The following COP1 variants were observed in gnomAD, a reference collection of about 807,000 sequenced individuals.
COP1 encodes E3 ubiquitin-protein ligase COP1.
COP1 carries 24 observed loss-of-function variants against 101.3 expected under a neutral mutation model. That is an observed-to-expected ratio of 0.24 (90% confidence interval 0.17 to 0.33). COP1 has a LOEUF of 0.33. Among genes scored for constraint, COP1 ranks in the 10% least tolerant of loss-of-function variants. The pLI, the probability that COP1 is intolerant of heterozygous loss-of-function variation, is 1.00. For missense variants in COP1, 663 were observed against 906.2 expected (o/e 0.73, Z 3.45); for synonymous variants, 347 against 341.9 (o/e 1.01, Z -0.17).
intron 15 of COP1, among the ~76,000 whole-genome samples, chr1:175,991,279 C>A (rs891387494): frequency 2.6e-5 from 4 of 152,050 alleles, no homozygotes; most frequent in African/African-American, 9.7e-5. Flanking sequence ...ATGCTACAAA[C>A]CTATGTATCA....
intron 8 of COP1, among the ~76,000 whole-genome samples, chr1:176,125,406 T>A (rs1013469174): frequency 1.3e-5 from 2 of 152,184 alleles, no homozygotes; most frequent in Non-Finnish European, 2.9e-5. Context: ...TTTGATGTGA[T>A]CTTTGCAGCA....
intron 18 of COP1, among the ~76,000 whole-genome samples, chr1:175,984,887 A>C (rs2148709233): frequency 6.6e-6 from 1 of 152,324 alleles, no homozygotes; most frequent in Admixed American, 6.5e-5. Context: ...CCCATTTTGA[A>C]TAGCTCTATT....
chr1:176,154,205 A>G (rs1244422687), intron 5 of COP1, among the ~76,000 whole-genome samples: 2 of 152,026 alleles, frequency 1.3e-5, no homozygotes, highest in African/African-American at 4.8e-5. Context: ...GCTACTTATT[A>G]CTGATTTAAT....
rs146985122 is a variant in COP1, at chr1:175,960,760, G to T, written c.2134-13521C>A. Among the ~76,000 whole-genome samples the T allele has an allele frequency of 2.6e-3, 398 of 152,242 alleles. 3 individuals are homozygous for T. Among genetic ancestry groups the T allele is most frequent in the African/African-American group, 9.1e-3 (380 of 41,552 alleles). On this transcript the variant is annotated intron_variant, in intron 18 of 19. Transcript: ENST00000367669. ...AGAAACTGGCTTTGACAGAGGCTTCGCCAGAAAGCTACTCCTGATGTCCAA... is the reference window on the plus strand; with the variant it reads ...AGAAACTGGCTTTGACAGAGGCTTCTCCAGAAAGCTACTCCTGATGTCCAA...
At chr1:176,164,071 G>GCTGCTA (rs1694737598) in intron 3 of COP1, among the ~76,000 whole-genome samples, 180 bp from the exon 4 acceptor site, 1 of 152,268 alleles carries the variant, frequency 6.6e-6, no homozygotes. Context: ...TTTTGCTGCA[G>GCTGCTA]CTGCTACTAC....
chr1:176,187,737 C>T (rs960681443), intron 1 of COP1, among the ~76,000 whole-genome samples: 1 of 152,112 alleles, frequency 6.6e-6, no homozygotes, highest in African/African-American at 2.4e-5. Context: ...AACAAGATAT[C>T]TATGAGGCGC....
intron 3 of COP1, among the ~76,000 whole-genome samples, chr1:176,169,655 T>C (rs554833257): frequency 1.3e-5 from 2 of 152,366 alleles, no homozygotes; most frequent in African/African-American, 2.4e-5. Context: ...ATCTGAGCCT[T>C]TGGCAAGTCA....
intron 1 of COP1, among the ~76,000 whole-genome samples, chr1:176,198,935 C>T: frequency 6.6e-6 from 1 of 152,032 alleles, no homozygotes; most frequent in East Asian, 1.9e-4. Flanking sequence ...TGAGCACTGG[C>T]AAGGATGTGA....
rs188852414 is a variant in COP1 at position 176,119,463 on chromosome 1, G to C, written c.969-2782C>G. Among the ~76,000 whole-genome samples the C allele has an allele frequency of 9.9e-5, 15 of 152,208 alleles. No individual in the cohort carries two copies. The East Asian group carries it at 2.9e-3, about 29-fold the overall frequency. ...TATGTTAAAAAATACTCATCAGTTTGTTGAAGATAAAACTAAGAATTAAAA... is the reference window on the plus strand; with the variant it reads ...TATGTTAAAAAATACTCATCAGTTTCTTGAAGATAAAACTAAGAATTAAAA... On this transcript the variant is annotated intron_variant, in intron 8 of 19. Coordinates refer to ENST00000367669, the MANE Select transcript of COP1 (RefSeq NM_022457.7).
intron 3 of COP1, among the ~76,000 whole-genome samples, chr1:176,167,380 G>C (rs1695303716): frequency 6.6e-6 from 1 of 152,008 alleles, no homozygotes; most frequent in African/African-American, 2.4e-5. Flanking sequence ...CGTGGTCCCT[G>C]ACGCATAGTA....
intron 18 of COP1, among the ~76,000 whole-genome samples, chr1:175,972,558 G>A (rs894618664): frequency 2.0e-5 from 3 of 147,940 alleles, no homozygotes; most frequent in South Asian, 2.1e-4. Context: ...GCCACCTCCC[G>A]GGTTCAAGCG....
At chr1:175,951,703 A>T (rs1479143413) in intron 18 of COP1, among the ~76,000 whole-genome samples, 1 of 152,020 alleles carries the variant, frequency 6.6e-6, no homozygotes, top group Non-Finnish European at 1.5e-5. Context: ...AGATGAGACA[A>T]GTGAGGAATA....
At chr1:176,039,310 C>G (rs1557978733) in intron 14 of COP1, among the ~76,000 whole-genome samples, 1 of 151,922 alleles carries the variant, frequency 6.6e-6, no homozygotes, top group East Asian at 1.9e-4. Context: ...ATCAAAAGCA[C>G]TACATAAAAG....
At chr1:176,144,677 C>T (rs556058736) in intron 6 of COP1, among the ~76,000 whole-genome samples, 3 of 151,856 alleles carry the variant, frequency 2.0e-5, no homozygotes, top group Non-Finnish European at 2.9e-5. Context: ...GGTGGTATTG[C>T]GAAAAAGACC....
intron 8 of COP1, among the ~76,000 whole-genome samples, chr1:176,126,956 T>A (rs1199555623): frequency 6.6e-6 from 1 of 152,184 alleles, no homozygotes; most frequent in Non-Finnish European, 1.5e-5. Flanking sequence ...TACACCAAAA[T>A]TTAAAGAGAA....
At chr1:176,172,564 C>A (rs950334978) in intron 3 of COP1, among the ~76,000 whole-genome samples, 11 of 152,076 alleles carry the variant, frequency 7.2e-5, no homozygotes, top group Admixed American at 5.9e-4. Context: ...TGCAAGGATG[C>A]CAAGAACATC....
Position 176,086,566 on chromosome 1 carries a change from A to G in COP1, c.1027-676T>C, listed in dbSNP as rs558774904. ...TAATATCCAGAAATTGTTAGAAAAT[A>G]ATTATCAAATAGAAAATGAGTTACT... On this transcript the variant is annotated intron_variant, in intron 9 of 19. Transcript: ENST00000367669. Among the ~76,000 whole-genome samples the G allele has an allele frequency of 2.6e-5, 4 of 152,262 alleles. No homozygotes were observed. The East Asian group carries it at 7.7e-4, about 29-fold the overall frequency.
In COP1 at chr1:175,969,462, T is replaced by A. The variant is rs187665804; in HGVS notation, c.2133+17481A>T. On this transcript the variant is annotated intron_variant, in intron 18 of 19. Coordinates refer to ENST00000367669, the MANE Select transcript of COP1 (RefSeq NM_022457.7). Reference sequence around the variant, plus strand: ...CCTTACCTGAGGAAAGGAATGCCCTTATCTCTGGAGACAGAGACACAGAGA... The same window carrying A: ...CCTTACCTGAGGAAAGGAATGCCCTAATCTCTGGAGACAGAGACACAGAGA... 3.9e-5 allele frequency among the ~76,000 whole-genome samples: 6 copies of A among 152,292 alleles called. No homozygotes were observed. In the East Asian group the frequency reaches 1.2e-3, roughly 29 times the overall value.
At chr1:176,101,695 CT>C (rs1312382462) in intron 9 of COP1, among the ~76,000 whole-genome samples, 1 of 152,266 alleles carries the variant, frequency 6.6e-6, no homozygotes, top group East Asian at 1.9e-4. Context: ...TCCTCACACC[CT>C]CCCCACTTAT....
Sources: gnomAD v4.1 joint callset for allele counts (sites outside exome capture counted in the v4.1 genomes callset) on GRCh38, gnomAD v4.1.1 for gene constraint, MANE v1.5 for transcripts, NCBI Gene and HGNC (gene_info 2026-07-23, HGNC 2026-07-21) for gene names.